The following CORO7 variants were observed in gnomAD, a reference collection of about 807,000 sequenced individuals.
CORO7 encodes the protein coronin 7.
In CORO7, 107 loss-of-function variants were observed where a neutral mutation model predicts 126.6. The ratio of observed to expected loss-of-function variants is 0.85; its 90% CI spans 0.72 to 0.99. The LOEUF (loss-of-function observed/expected upper bound fraction) is 0.99. CORO7 is among the 50% of genes least tolerant of loss of function. The pLI is 0.00. For synonymous variants in CORO7, 603 were observed against 536.8 expected (o/e 1.12, Z -1.70); for missense variants, 1,314 against 1,255.8 (o/e 1.05, Z -0.70).
At position 4,362,912 on chromosome 16, in the gene CORO7, G is replaced by C; in HGVS notation, c.1276-174C>G. The C allele has an allele frequency of 2.7e-6, 2 of 729,612 alleles. No individual in the cohort carries two copies. Among genetic ancestry groups the C allele is most frequent in the Non-Finnish European group, 3.8e-6 (2 of 527,756 alleles). 45.2% of individuals were successfully genotyped at this position (729,612 alleles called of 1,614,324 possible). Reference sequence around the variant, plus strand: ...ACGGGCATAAACGCAGACACACAGGGAAGCAGCCGAGCTTCAGACCGCGGG... The same window carrying C: ...ACGGGCATAAACGCAGACACACAGGCAAGCAGCCGAGCTTCAGACCGCGGG... On this transcript the variant is annotated intron_variant, in intron 14 of 27. Transcript: ENST00000251166. This position sits in a 1 kb window ranked among gnomAD's most constrained non-coding sequence, Gnocchi z 5.3.
Position 4,407,569 on chromosome 16 carries a change from C to G in CORO7, c.419G>C (p.Gly140Ala), listed in dbSNP as rs751095133. ...EVLQFHPTSDGILVSAAGTTV... is the reference protein window; with the variant it reads ...EVLQFHPTSDAILVSAAGTTV... ...GGTGCCTGCTGCGCTCACCAGAATG[C>G]CGTCAGAGGTGGGGTGGAACTGCAG... The change falls in exon 5 of 28, where the codon GGC becomes GCC. Residue 140 changes from glycine (G) to alanine (A), a missense_variant. Transcript: ENST00000251166. 6.3e-7 allele frequency: 1 copy of G among 1,586,588 alleles called. No homozygotes were observed. Among genetic ancestry groups the G allele is most frequent in the Non-Finnish European group, 8.6e-7 (1 of 1,166,384 alleles).
At chr16:4,359,250 G>A in intron 23 of CORO7, 46 bp downstream of exon 23, 1 of 1,537,892 alleles carries the variant, frequency 6.5e-7, no homozygotes, top group South Asian at 1.3e-5. Context: ...AGGGGGCAGG[G>A]CAGCCTTGTG....
At position 4,357,157 on chromosome 16, in the gene CORO7, C is replaced by A. The variant is rs1340637949; in HGVS notation, c.2685+11G>T. ...TGTCACCTCCGCACAGCTGCTCTCT[C>A]CCATGCCTACCTCCTCCTTCTTTTG... On this transcript the variant is annotated intron_variant, in intron 26 of 27. Coordinates refer to ENST00000251166, the MANE Select transcript of CORO7 (RefSeq NM_024535.5). The A allele has an allele frequency of 1.2e-6, 2 of 1,613,792 alleles. No homozygotes were observed. Among genetic ancestry groups the A allele is most frequent in the South Asian group, 2.2e-5 (2 of 91,082 alleles).
intron 9 of CORO7, among the ~76,000 whole-genome samples, chr16:4,372,868 C>T (rs1435857947): frequency 6.6e-6 from 1 of 152,150 alleles, no homozygotes; most frequent in Non-Finnish European, 1.5e-5. Flanking sequence ...CTAGGTGTCC[C>T]CATGCCTGCC....
intron 9 of CORO7, among the ~76,000 whole-genome samples, chr16:4,374,765 G>A (rs2054659829): frequency 6.6e-6 from 1 of 152,246 alleles, no homozygotes; most frequent in South Asian, 2.1e-4. Flanking sequence ...ATTGTGGGGG[G>A]TTCGGCATGG....
intron 9 of CORO7, among the ~76,000 whole-genome samples, chr16:4,371,264 G>A (rs939136580): frequency 1.3e-5 from 2 of 152,248 alleles, no homozygotes; most frequent in Non-Finnish European, 2.9e-5. Context: ...TGGCTAAGAG[G>A]ACCCTGAGCT....
At chr16:4,372,487 C>T (rs1382138920) in intron 9 of CORO7, among the ~76,000 whole-genome samples, 3 of 152,138 alleles carry the variant, frequency 2.0e-5, no homozygotes, top group Non-Finnish European at 4.4e-5. Context: ...TAGGGAGGGG[C>T]GGGGAGTGGC....
intron 9 of CORO7, among the ~76,000 whole-genome samples, chr16:4,369,824 G>A (rs1192787427): frequency 6.6e-6 from 1 of 152,094 alleles, no homozygotes; most frequent in East Asian, 1.9e-4. Context: ...TGGAGAGTTA[G>A]TTAGGATCCT....
intron 6 of CORO7, among the ~76,000 whole-genome samples, chr16:4,402,324 G>A (rs1001720549): frequency 9.9e-5 from 15 of 151,862 alleles, no homozygotes; most frequent in African/African-American, 2.9e-4. Context: ...GGCTCAATCC[G>A]AGCTCACTTC....
intron 6 of CORO7, among the ~76,000 whole-genome samples, chr16:4,402,747 T>G (rs895958098): frequency 3.9e-5 from 6 of 152,188 alleles, no homozygotes; most frequent in African/African-American, 1.2e-4. Flanking sequence ...GGAACTGGGC[T>G]GCAGAGGCCG....
chr16:4,408,670 A>C (rs2056099643), intron 3 of CORO7, among the ~76,000 whole-genome samples: 1 of 152,054 alleles, frequency 6.6e-6, no homozygotes, highest in Non-Finnish European at 1.5e-5. Flanking sequence ...CAACCAAAGA[A>C]CCTGAATGGT....
intron 21 of CORO7, among the ~76,000 whole-genome samples, chr16:4,359,891 A>C (rs1230241772): frequency 6.2e-5 from 5 of 80,650 alleles, no homozygotes; most frequent in African/African-American, 2.5e-4. Flanking sequence ...GCACCCCTGC[A>C]TCTATCTCCC....
rs562696923 is a variant in CORO7 at position 4,359,546 on chromosome 16, G to A, written c.2184C>T (p.Asp728=). The change falls in exon 22 of 28, where the codon GAC becomes GAT. Residue 728 remains aspartate (D), a synonymous_variant. Transcript: ENST00000251166. ...AGGPLAVLGL[D]VAPSTLLPSY... is the part of the protein sequence containing the mutation. The stretch of plus-strand genomic sequence containing the variant: ...TGGGCAGCAGGGTTGAGGGAGCCAC[G>A]TCCAGGCCCAACACTGCCAAGGGTC... The A allele has an allele frequency of 2.8e-5, 45 of 1,613,256 alleles. 1 individual carries two copies. The highest frequency in any genetic ancestry group is 8.8e-5 in the South Asian group (8 of 91,072).
chr16:4,357,907 C>T (rs1344570178), intron 25 of CORO7, 61 bp downstream of exon 25: 2 of 1,552,570 alleles, frequency 1.3e-6, no homozygotes, highest in East Asian at 4.6e-5. Context: ...CAACCTGGGC[C>T]TTCTGTCCCT....
chr16:4,381,441 C>T (rs1457629638), intron 9 of CORO7: 2 of 1,580,484 alleles, frequency 1.3e-6, no homozygotes, highest in Non-Finnish European at 1.7e-6. Context: ...AGCCCGGCAT[C>T]CTGGACACTG....
At chr16:4,359,020 T>C (rs2054071898) in intron 23 of CORO7, 1 of 506,410 alleles carries the variant, frequency 2.0e-6, no homozygotes, top group Admixed American at 3.9e-5. Context: ...CAAGCAATTC[T>C]CCTGCCTCAG....
At chr16:4,372,169 C>A (rs1327454000) in intron 9 of CORO7, among the ~76,000 whole-genome samples, 1 of 151,982 alleles carries the variant, frequency 6.6e-6, no homozygotes, top group East Asian at 1.9e-4. Flanking sequence ...CGCTCCCTCC[C>A]CCGCCGTCCT....
intron 9 of CORO7, among the ~76,000 whole-genome samples, chr16:4,368,303 C>A (rs759423370): frequency 6.6e-6 from 1 of 151,990 alleles, no homozygotes; most frequent in African/African-American, 2.4e-5. Flanking sequence ...GCCGAGATGG[C>A]ACCAATGCAT....
intron 9 of CORO7, chr16:4,381,535 GA>G: frequency 6.2e-7 from 1 of 1,603,972 alleles, no homozygotes; most frequent in Non-Finnish European, 8.5e-7. Flanking sequence ...CAACCTCCAC[GA>G]CCTGGATGTG....
Sources: gnomAD v4.1 joint callset for allele counts (sites outside exome capture counted in the v4.1 genomes callset) on GRCh38, gnomAD v4.1.1 for gene constraint, Gnocchi (gnomAD v3.1) non-coding constraint, MANE v1.5 for transcripts, NCBI Gene and HGNC (gene_info 2026-07-23, HGNC 2026-07-21) for gene names.